Variants in SYN3 observed in about 807,000 individuals in gnomAD.
SYN3 encodes synapsin III.
In SYN3, 35 loss-of-function variants were observed where a neutral mutation model predicts 65.8. The ratio of observed to expected loss-of-function variants is 0.53; its 90% CI spans 0.41 to 0.70. SYN3 has a LOEUF of 0.70. SYN3 is among the 30% of genes least tolerant of loss of function. The pLI, the probability that SYN3 is intolerant of heterozygous loss-of-function variation, is 0.00. For missense variants in SYN3, 680 were observed against 749.0 expected (o/e 0.91, Z 1.08); for synonymous variants, 270 against 292.9 (o/e 0.92, Z 0.80).
intron 7 of SYN3, among the ~76,000 whole-genome samples, chr22:32,564,070 G>A (rs2058624593): frequency 6.6e-6 from 1 of 152,182 alleles, no homozygotes; most frequent in Non-Finnish European, 1.5e-5. Flanking sequence ...GCAATCCTTA[G>A]GCAGTGATTG....
At chr22:32,583,205 C>T (rs2058974648) in intron 7 of SYN3, 1 of 152,256 alleles carries the variant, frequency 6.6e-6, no homozygotes, top group Admixed American at 6.5e-5. Flanking sequence ...ATGTAACAAA[C>T]CCATTGTCTG....
intron 2 of SYN3, among the ~76,000 whole-genome samples, chr22:32,996,000 C>T (rs1434245011): frequency 4.6e-5 from 7 of 151,958 alleles, no homozygotes; most frequent in Non-Finnish European, 8.8e-5. Flanking sequence ...ACCAGCTGCA[C>T]CAGAAGGAGG....
At chr22:32,866,614 G>A (rs2048695677) in intron 5 of SYN3, among the ~76,000 whole-genome samples, 1 of 152,178 alleles carries the variant, frequency 6.6e-6, no homozygotes, top group Admixed American at 6.5e-5. Context: ...AAGGGCTCAG[G>A]ATAGCACACG....
At chr22:32,638,305 G>A (rs2059848099) in intron 6 of SYN3, among the ~76,000 whole-genome samples, 1 of 152,180 alleles carries the variant, frequency 6.6e-6, no homozygotes, top group Non-Finnish European at 1.5e-5. Flanking sequence ...TTGGTAGAAT[G>A]ATTTGTTTCC....
At chr22:32,938,544 A>G (rs2050842562) in intron 3 of SYN3, among the ~76,000 whole-genome samples, 1 of 151,870 alleles carries the variant, frequency 6.6e-6, no homozygotes, top group Admixed American at 6.6e-5. Context: ...AAAAAAAAAA[A>G]AGAAAAAGAA....
At chr22:32,598,049 C>T (rs1248948091) in intron 6 of SYN3, among the ~76,000 whole-genome samples, 1 of 152,204 alleles carries the variant, frequency 6.6e-6, no homozygotes, top group Non-Finnish European at 1.5e-5. Context: ...AAGGTTATCC[C>T]TCCTAGTTAT....
chr22:32,759,661 C>T (rs2045398929), intron 6 of SYN3, among the ~76,000 whole-genome samples: 2 of 113,806 alleles, frequency 1.8e-5, no homozygotes, highest in Non-Finnish European at 4.1e-5. Flanking sequence ...CCACCCCCAG[C>T]CAGCACCCAC....
chr22:32,935,612 G>A (rs868144111), intron 3 of SYN3, among the ~76,000 whole-genome samples: 3 of 151,986 alleles, frequency 2.0e-5, no homozygotes, highest in African/African-American at 7.2e-5. Context: ...CACCGCGCCC[G>A]GCTAATTTTT....
In SYN3 at chr22:32,698,875, G is replaced by C. The variant is rs192340911; in HGVS notation, c.712-102139C>G. Among the ~76,000 whole-genome samples the C allele has an allele frequency of 2.1e-3, 314 of 152,300 alleles. 1 individual carries two copies. Among genetic ancestry groups the C allele is most frequent in the South Asian group, 7.5e-3 (36 of 4,824 alleles). ...GGACATTAATTTCTGCAAGTACTCA[G>C]TGGCATGAGATGGAGGAGGGTAGAT... is the stretch of plus-strand genomic sequence containing the variant. On this transcript the variant is annotated intron_variant, in intron 6 of 13. Transcript: ENST00000358763.
chr22:32,636,353 G>A (rs2059815463), intron 6 of SYN3, among the ~76,000 whole-genome samples: 1 of 147,842 alleles, frequency 6.8e-6, no homozygotes, highest in South Asian at 2.1e-4. Context: ...AGTGAGCCGA[G>A]ATTGTGCCAC....
chr22:32,825,665 A>G (rs1237735210), intron 6 of SYN3, among the ~76,000 whole-genome samples: 1 of 80,176 alleles, frequency 1.2e-5, no homozygotes, highest in African/African-American at 8.3e-5. Flanking sequence ...CTCAAAAAAA[A>G]AAAAAAAAAA....
rs137523 is a variant in SYN3, at chr22:32,899,101, A to AAAAAC, written c.462-29981_462-29977dup. Among the ~76,000 whole-genome samples, 78 of 147,558 alleles carry AAAAAC rather than the reference A, an allele frequency of 5.3e-4. 2 individuals carry two copies. Among genetic ancestry groups the AAAAAC allele is most frequent in the African/African-American group, 9.3e-4 (37 of 39,934 alleles). ...TGGCGACAGAGTGAGACTCTGTCTC[A>AAAAAC]AAAACAAAACAAAACAAAACAACGA... On this transcript the variant is annotated intron_variant, in intron 4 of 13. Transcript: ENST00000358763.
rs986864173 is a variant in SYN3 at position 32,508,139 on chromosome 22, C to T, written c.*5553G>A. Reference sequence around the variant, plus strand: ...ACTTGCGCGTATACGCCCAGATGGCCTGAAGTAACTGAAGAATCACAAAAG... The same window carrying T: ...ACTTGCGCGTATACGCCCAGATGGCTTGAAGTAACTGAAGAATCACAAAAG... On this transcript the variant is annotated 3_prime_UTR_variant, in exon 14 of 14. Transcript: ENST00000358763. Among the ~76,000 whole-genome samples, 1 of 152,170 alleles carries T rather than the reference C, an allele frequency of 6.6e-6. No individual in the cohort carries two copies.
At chr22:33,036,738 C>T (rs564289789) in intron 1 of SYN3, among the ~76,000 whole-genome samples, 2 of 130,184 alleles carry the variant, frequency 1.5e-5, no homozygotes, top group East Asian at 5.0e-4. Context: ...GTTGCCCAGG[C>T]TGGAGGGCAA....
intron 4 of SYN3, among the ~76,000 whole-genome samples, chr22:32,886,869 G>C (rs1409919015): frequency 6.6e-6 from 1 of 152,176 alleles, no homozygotes; most frequent in Admixed American, 6.5e-5. Flanking sequence ...TGCCAAGTAT[G>C]GACTGGAAGG....
At chr22:32,720,187 T>A (rs2061096878) in intron 6 of SYN3, among the ~76,000 whole-genome samples, 1 of 152,240 alleles carries the variant, frequency 6.6e-6, no homozygotes, top group African/African-American at 2.4e-5. Flanking sequence ...GCATGGGATA[T>A]TGTACCCACT....
intron 6 of SYN3, among the ~76,000 whole-genome samples, chr22:32,598,199 G>A (rs1329881290): frequency 1.3e-5 from 2 of 152,180 alleles, no homozygotes; most frequent in Non-Finnish European, 2.9e-5. Context: ...TTGCCCTCTT[G>A]ATGTCTCTTG....
intron 4 of SYN3, among the ~76,000 whole-genome samples, chr22:32,914,816 A>T (rs1445475308): frequency 1.3e-5 from 2 of 152,200 alleles, no homozygotes; most frequent in Non-Finnish European, 2.9e-5. Context: ...TATGGCAAAT[A>T]GTAAGAACTT....
intron 6 of SYN3, among the ~76,000 whole-genome samples, chr22:32,693,685 G>A (rs1013863761): frequency 2.9e-5 from 4 of 136,548 alleles, no homozygotes; most frequent in Non-Finnish European, 4.5e-5. Context: ...CCAGCCTCCC[G>A]GGTTCAAATG....
Sources: allele counts gnomAD v4.1 joint callset (sites outside exome capture counted in the v4.1 genomes callset), GRCh38; gene constraint gnomAD v4.1.1; transcripts MANE v1.5; gene names NCBI Gene and HGNC (gene_info 2026-07-23, HGNC 2026-07-21).